The following TSBP1 variants were observed in gnomAD, a reference collection of about 807,000 sequenced individuals.
TSBP1 encodes the protein testis-expressed basic protein 1.
Under a neutral mutation model 68.8 loss-of-function variants are expected in TSBP1, and 56 were observed. That is an observed-to-expected ratio of 0.81 (90% CI 0.66 to 1.02). TSBP1 has a LOEUF of 1.02. TSBP1 is among the 50% of genes least tolerant of loss of function. The pLI is 0.00. For synonymous variants in TSBP1, 171 were observed against 208.7 expected (o/e 0.82, Z 1.56); for missense variants, 502 against 641.2 (o/e 0.78, Z 2.34).
rs568691456 is a variant in TSBP1 at position 32,366,559 on chromosome 6, C to T, written c.167-257G>A. 2,413 of 440,632 alleles carry T rather than the reference C, an allele frequency of 5.5e-3. 18 individuals carry two copies. Among genetic ancestry groups the T allele is most frequent in the Non-Finnish European group, 7.7e-3 (1,857 of 241,794 alleles). The allele number at this position is 440,632 out of a possible 1,614,324, so 27.3% of individuals were successfully genotyped here. On this transcript the variant is annotated intron_variant, in intron 4 of 22. Coordinates refer to ENST00000612031, the Ensembl canonical transcript of TSBP1. ...CGGGTGGATCACGAGGTCAGGAGAT[C>T]GAGACCATCCTGGCTAACACGGTGA...
chr6:32,300,049 C>CAACTTAGAAACAGGACTTGGAGGATG (rs148523044), intron 21 of TSBP1, 113 bp from the exon 25 acceptor site: 23,915 of 838,904 alleles, frequency 0.029, 741 homozygotes, highest in East Asian at 0.12. Context: ...GGAGGGAGCA[C>CAACTTAGAAACAGGACTTGGAGGATG]AAAACTCTGT....
At chr6:32,324,536 C>A in intron 16 of TSBP1, 3 of 1,307,216 alleles carry the variant, frequency 2.3e-6, no homozygotes, top group Non-Finnish European at 3.2e-6. Context: ...GATAATGAGA[C>A]AGCAAGAGGC....
intron 18 of TSBP1, among the ~76,000 whole-genome samples, chr6:32,320,913 G>A (rs9394085): frequency 0.018 from 2,788 of 151,810 alleles, 79 homozygotes; most frequent in East Asian, 0.13. Flanking sequence ...TTTAGCTCCC[G>A]TTTATAAATA....
chr6:32,352,508 ACAGAG>A (rs1388324813), intron 8 of TSBP1, among the ~76,000 whole-genome samples: 2 of 152,048 alleles, frequency 1.3e-5, no homozygotes, highest in East Asian at 1.9e-4. Flanking sequence ...AAATGAAAGA[ACAGAG>A]CATAGTACTG....
At chr6:32,358,562 C>T (rs1401775780) in intron 6 of TSBP1, among the ~76,000 whole-genome samples, 1 of 151,934 alleles carries the variant, frequency 6.6e-6, no homozygotes, top group Non-Finnish European at 1.5e-5. Context: ...TATCCCTCCC[C>T]GCTCCCCTCA....
rs185535670 is a variant in TSBP1, at chr6:32,313,388, G to A, written c.580+2384C>T. Reference sequence around the variant, plus strand: ...TAGGATAATGCCTGGCCTACAATAGGCCAATATATATTTGTTGAATACATA... The same window carrying A: ...TAGGATAATGCCTGGCCTACAATAGACCAATATATATTTGTTGAATACATA... On this transcript the variant is annotated intron_variant, in intron 19 of 22. Coordinates refer to ENST00000612031, the Ensembl canonical transcript of TSBP1. 6.5e-3 allele frequency among the ~76,000 whole-genome samples: 994 copies of A among 152,276 alleles called. 13 individuals are homozygous for A. The highest frequency in any genetic ancestry group is 0.02 in the East Asian group (103 of 5,190).
In TSBP1 at chr6:32,365,855, T is replaced by G. The variant is rs192987639; in HGVS notation, c.217+312A>C. Reference sequence around the variant, plus strand: ...TCCCACAATGGTATTGTCTCATCTGTGGATAGTTGTCTAAATTGATGCTTC... The same window carrying G: ...TCCCACAATGGTATTGTCTCATCTGGGGATAGTTGTCTAAATTGATGCTTC... On this transcript the variant is annotated intron_variant, in intron 6 of 22. Coordinates refer to ENST00000612031, the Ensembl canonical transcript of TSBP1. This position sits in a 1 kb window ranked among gnomAD's most constrained non-coding sequence, Gnocchi z 4.3. 1 of 488,818 alleles carries G rather than the reference T, an allele frequency of 2.0e-6. No homozygotes were observed. Among genetic ancestry groups the G allele is most frequent in the East Asian group, 5.6e-5 (1 of 17,978 alleles). The allele number at this position is 488,818 out of a possible 1,614,324, so 30.3% of individuals were successfully genotyped here.
At chr6:32,293,272 T>G in exon 23 of TSBP1, 1 of 1,612,690 alleles carries the variant, frequency 6.2e-7, no homozygotes, top group Non-Finnish European at 8.5e-7. Context: ...ATTCCAGTGT[T>G]TCTGGTACAC....
Position 32,333,047 on chromosome 6 carries a change from C to T in TSBP1, c.473-993G>A, listed in dbSNP as rs111377924. Among the ~76,000 whole-genome samples the T allele has an allele frequency of 0.027, 4,047 of 151,564 alleles. 66 individuals carry two copies. The highest frequency in any genetic ancestry group is 0.041 in the South Asian group (195 of 4,790). ...TTTTTTAGACAGAGTCTTACTCTGT[C>T]GCCCAGGCTGGAATGCAGTGGCATG... On this transcript the variant is annotated intron_variant, in intron 14 of 22. Coordinates refer to ENST00000612031, the Ensembl canonical transcript of TSBP1. This position sits in a 1 kb window ranked among gnomAD's most constrained non-coding sequence, Gnocchi z 4.2.
chr6:32,296,258 TA>T (rs901936191), intron 22 of TSBP1, among the ~76,000 whole-genome samples: 2 of 152,228 alleles, frequency 1.3e-5, no homozygotes, highest in Admixed American at 6.5e-5. Context: ...TTATCAATTA[TA>T]AAAATGAGGC....
chr6:32,328,657 T>G (rs891999266), intron 16 of TSBP1, among the ~76,000 whole-genome samples: 1 of 152,036 alleles, frequency 6.6e-6, no homozygotes, highest in East Asian at 1.9e-4. Flanking sequence ...CCTCAAGTGA[T>G]CCACCCACCT....
At chr6:32,364,014 T>C (rs1391328523) in intron 6 of TSBP1, among the ~76,000 whole-genome samples, 1 of 152,184 alleles carries the variant, frequency 6.6e-6, no homozygotes, top group Non-Finnish European at 1.5e-5. Context: ...TAAAGAGTTA[T>C]TGGTTGGCAG....
intron 6 of TSBP1, among the ~76,000 whole-genome samples, chr6:32,364,530 T>C: frequency 6.6e-6 from 1 of 152,004 alleles, no homozygotes. Flanking sequence ...TCCTTTTTGT[T>C]TTAGTTTAGG....
At chr6:32,366,474 GTT>G in intron 4 of TSBP1, 172 bp from the exon 5 acceptor site, 1 of 755,476 alleles carries the variant, frequency 1.3e-6, no homozygotes, top group Non-Finnish European at 2.2e-6. Flanking sequence ...GAAAAAATAA[GTT>G]TATCGGGCCG....
In TSBP1 at chr6:32,292,915, G is replaced by C; in HGVS notation, c.*66C>G. The C allele has an allele frequency of 1.1e-6, 1 of 935,640 alleles. No individual in the cohort carries two copies. The highest frequency in any genetic ancestry group is 1.7e-6 in the Non-Finnish European group (1 of 605,518). 58.0% of individuals were successfully genotyped at this position (935,640 alleles called of 1,614,324 possible). A position where few individuals can be genotyped will look rare whatever the true frequency, so the allele number is the denominator to read the frequency against. On this transcript the variant is annotated 3_prime_UTR_variant, in exon 23 of 23. Transcript: ENST00000612031. The surrounding 1 kb of genome is among the most constrained non-coding windows in gnomAD (Gnocchi z 4.1). Reference sequence around the variant, plus strand: ...TCTGTTTAGGCAATGGCTGGGATATGGTTTGTATCTGGAGTATGGGAATCA... The same window carrying C: ...TCTGTTTAGGCAATGGCTGGGATATCGTTTGTATCTGGAGTATGGGAATCA...
At chr6:32,342,069 A>C (rs1197672473) in intron 9 of TSBP1, among the ~76,000 whole-genome samples, 1 of 144,758 alleles carries the variant, frequency 6.9e-6, no homozygotes, top group Admixed American at 6.8e-5. Flanking sequence ...TTTTTTTGAC[A>C]ATCAATTGAA....
chr6:32,333,142 G>A lies in TSBP1; in HGVS notation c.473-1088C>T, dbSNP rs1204326214. On this transcript the variant is annotated intron_variant, in intron 14 of 22. Transcript: ENST00000612031. This position sits in a 1 kb window ranked among gnomAD's most constrained non-coding sequence, Gnocchi z 4.2. ...TCCTGCCTTAGCCTCCTGAGTAGCT[G>A]GGACTGCAGGCGCACGACACCACAC... 6.6e-6 allele frequency among the ~76,000 whole-genome samples: 1 copy of A among 151,894 alleles called. No individual in the cohort carries two copies. Among genetic ancestry groups the A allele is most frequent in the Non-Finnish European group, 1.5e-5 (1 of 67,994 alleles).
intron 22 of TSBP1, among the ~76,000 whole-genome samples, chr6:32,299,144 TG>T (rs1765023444): frequency 6.6e-6 from 1 of 152,176 alleles, no homozygotes; most frequent in Non-Finnish European, 1.5e-5. Flanking sequence ...TAGGACATCC[TG>T]GGTTTAAATC....
At chr6:32,322,378 G>A in intron 18 of TSBP1, 108 bp downstream of exon 20, 1 of 789,638 alleles carries the variant, frequency 1.3e-6, no homozygotes, top group South Asian at 1.7e-5. Context: ...GAAGACTTTG[G>A]GTAATGTAGA....
Sources: gnomAD v4.1 joint callset for allele counts (sites outside exome capture counted in the v4.1 genomes callset) on GRCh38, gnomAD v4.1.1 for gene constraint, Gnocchi (gnomAD v3.1) non-coding constraint, MANE v1.5 for transcripts, NCBI Gene and HGNC (gene_info 2026-07-23, HGNC 2026-07-21) for gene names.